The following MARCHF1 variants were observed in gnomAD, a reference collection of about 807,000 sequenced individuals.
MARCHF1 encodes membrane associated ring-CH-type finger 1.
Under a neutral mutation model 54.2 loss-of-function variants are expected in MARCHF1, and 40 were observed. The observed-to-expected ratio is 0.74, with a 90% confidence interval of 0.57 to 0.96. The LOEUF (loss-of-function observed/expected upper bound fraction) is 0.96. Among genes scored for constraint, MARCHF1 ranks in the 40% least tolerant of loss-of-function variants. MARCHF1 has a pLI of 0.00. For synonymous variants in MARCHF1, 236 were observed against 236.3 expected, an observed-to-expected ratio of 1.00 and a Z score of 0.01; for missense variants, 586 against 656.5, an observed-to-expected ratio of 0.89 and a Z score of 1.17.
intron 4 of MARCHF1, among the ~76,000 whole-genome samples, chr4:163,822,198 C>G (rs534380132): frequency 6.6e-6 from 1 of 151,640 alleles, no homozygotes; most frequent in Admixed American, 6.6e-5. Flanking sequence ...GGTTTGTATA[C>G]TTTTTTTTAA....
At chr4:164,185,411 T>G (rs1414517033) in intron 1 of MARCHF1, among the ~76,000 whole-genome samples, 3 of 152,208 alleles carry the variant, frequency 2.0e-5, no homozygotes, top group African/African-American at 7.2e-5. Context: ...CTTTCCACAC[T>G]TAACCAGTCT....
At chr4:163,946,128 C>T (rs1351931292) in intron 3 of MARCHF1, among the ~76,000 whole-genome samples, 1 of 152,240 alleles carries the variant, frequency 6.6e-6, no homozygotes, top group East Asian at 1.9e-4. Context: ...AAATACATAT[C>T]TGGCATCACT....
intron 5 of MARCHF1, among the ~76,000 whole-genome samples, chr4:163,639,341 G>A (rs781378765): frequency 4.6e-5 from 7 of 152,084 alleles, no homozygotes; most frequent in Non-Finnish European, 8.8e-5. Flanking sequence ...AAAACAAGCT[G>A]CACAATTAGA....
chr4:163,636,640 G>A (rs925844204), intron 5 of MARCHF1, among the ~76,000 whole-genome samples: 15 of 151,892 alleles, frequency 9.9e-5, no homozygotes, highest in Non-Finnish European at 1.3e-4. Flanking sequence ...TGGGTAGGAA[G>A]AATCAATATT....
chr4:163,766,135 C>A (rs144293758), intron 4 of MARCHF1, among the ~76,000 whole-genome samples: 2 of 151,602 alleles, frequency 1.3e-5, no homozygotes, highest in African/African-American at 4.8e-5. Context: ...ATAAAATACC[C>A]CTAAATGGTA....
chr4:164,247,080 C>T (rs199776907), intron 1 of MARCHF1, among the ~76,000 whole-genome samples: 3,383 of 34,744 alleles, frequency 0.097, 106 homozygotes, highest in Admixed American at 0.16. Flanking sequence ...CTGGAAATAC[C>T]ATTTGACCCA....
At chr4:163,885,897 C>A (rs1231850312) in intron 3 of MARCHF1, among the ~76,000 whole-genome samples, 4 of 149,488 alleles carry the variant, frequency 2.7e-5, no homozygotes, top group Non-Finnish European at 5.9e-5. Context: ...CAAAATGAGA[C>A]CCGTCTCTAA....
rs907098598 is a variant in MARCHF1, at chr4:164,238,981, G to GTTCACAGT, written c.-322-127327_-322-127320dup. ...GTTTTACTAGAGTTAGGATCTCAAG[G>GTTCACAGT]TTCACAGTTTCTTTGGGCTTTTCAT... On this transcript the variant is annotated intron_variant, in intron 1 of 9. Transcript: ENST00000514618. Among the ~76,000 whole-genome samples the GTTCACAGT allele has an allele frequency of 4.6e-5, 7 of 152,030 alleles. No homozygotes were observed. In the East Asian group the frequency reaches 5.8e-4, roughly 13 times the overall value.
intron 8 of MARCHF1, among the ~76,000 whole-genome samples, chr4:163,547,368 G>C (rs1335715681): frequency 6.6e-6 from 1 of 152,158 alleles, no homozygotes. Flanking sequence ...CTTGGCTCAG[G>C]TGTACATTGA....
At chr4:164,022,891 T>A (rs1463779209) in intron 2 of MARCHF1, among the ~76,000 whole-genome samples, 1 of 152,208 alleles carries the variant, frequency 6.6e-6, no homozygotes, top group Non-Finnish European at 1.5e-5. Flanking sequence ...CAGCACAGCC[T>A]CCACTGCCTA....
chr4:163,654,093 T>C (rs549354327), intron 5 of MARCHF1, among the ~76,000 whole-genome samples: 37 of 151,632 alleles, frequency 2.4e-4, no homozygotes, highest in African/African-American at 8.0e-4. Flanking sequence ...AGAAATCAGA[T>C]AACAAAGACA....
intron 3 of MARCHF1, among the ~76,000 whole-genome samples, chr4:163,936,492 T>C (rs1751798277): frequency 6.6e-6 from 1 of 152,208 alleles, no homozygotes; most frequent in Admixed American, 6.5e-5. Context: ...CTAATTCTTG[T>C]ACCTGAGAAA....
intron 2 of MARCHF1, among the ~76,000 whole-genome samples, chr4:164,089,099 G>A (rs1284174626): frequency 1.3e-5 from 2 of 151,980 alleles, no homozygotes; most frequent in African/African-American, 4.8e-5. Context: ...ACTATAAAAT[G>A]TATTATCTAA....
At chr4:163,809,874 T>C (rs1748335753) in intron 4 of MARCHF1, among the ~76,000 whole-genome samples, 1 of 152,174 alleles carries the variant, frequency 6.6e-6, no homozygotes, top group African/African-American at 2.4e-5. Flanking sequence ...AGAAATATTA[T>C]AGATTTTTAA....
chr4:164,209,681 T>C (rs1731711535), intron 1 of MARCHF1, among the ~76,000 whole-genome samples: 1 of 152,340 alleles, frequency 6.6e-6, no homozygotes, highest in South Asian at 2.1e-4. Context: ...GTCCTCATTG[T>C]ATAAAATAGT....
intron 1 of MARCHF1, among the ~76,000 whole-genome samples, chr4:164,127,521 A>G (rs1429947807): frequency 6.6e-6 from 1 of 152,196 alleles, no homozygotes; most frequent in Non-Finnish European, 1.5e-5. Flanking sequence ...AATGTATTAC[A>G]TGGCATATTC....
chr4:163,638,626 G>C (rs77898750), intron 5 of MARCHF1, among the ~76,000 whole-genome samples: 5,313 of 152,010 alleles, frequency 0.035, 313 homozygotes, highest in East Asian at 0.2. Flanking sequence ...ACACAAGAAA[G>C]GAAAATAATT....
intron 2 of MARCHF1, among the ~76,000 whole-genome samples, chr4:164,014,262 T>C (rs555186837): frequency 6.6e-6 from 1 of 151,772 alleles, no homozygotes; most frequent in African/African-American, 2.4e-5. Flanking sequence ...TAAAAAAGTG[T>C]AGAGGTTTTT....
intron 1 of MARCHF1, among the ~76,000 whole-genome samples, chr4:164,260,891 T>C (rs935980940): frequency 8.5e-5 from 13 of 152,200 alleles, no homozygotes; most frequent in African/African-American, 2.9e-4. Flanking sequence ...TACAAAGGTG[T>C]AAACAAATAA....
Sources: allele counts gnomAD v4.1 joint callset (sites outside exome capture counted in the v4.1 genomes callset), GRCh38; gene constraint gnomAD v4.1.1; transcripts MANE v1.5; gene names NCBI Gene and HGNC (gene_info 2026-07-23, HGNC 2026-07-21).